SPOPL: variants seen among roughly 807,000 people sequenced by gnomAD.
The protein encoded by SPOPL is speckle type BTB/POZ protein like, also known as speckle-type POZ protein-like.
SPOPL carries 23 observed loss-of-function variants against 53.8 expected under a neutral mutation model. That is an observed-to-expected ratio of 0.43 (90% confidence interval 0.31 to 0.61). The LOEUF is 0.61. SPOPL is among the 20% of genes least tolerant of loss of function. The pLI is 0.12. For missense variants in SPOPL, 442 were observed against 466.9 expected (o/e 0.95, Z 0.49); for synonymous variants, 164 against 149.7 (o/e 1.10, Z -0.70).
chr2:138,551,731 A>G lies in SPOPL; in HGVS notation c.352+677A>G, dbSNP rs560625957. Among the ~76,000 whole-genome samples, 144 of 152,158 alleles carry G rather than the reference A, an allele frequency of 9.5e-4. 1 individual carries two copies. The highest frequency in any genetic ancestry group is 3.2e-3 in the African/African-American group (135 of 41,548). ...AAATAATGTATTGCTAAAATAATAT[A>G]TATTTTCACATTGTCTCACCTTAAG... On this transcript the variant is annotated intron_variant, in intron 4 of 10. Transcript: ENST00000280098.
intron 1 of SPOPL, among the ~76,000 whole-genome samples, chr2:138,548,127 T>A (rs1402153355): frequency 6.6e-6 from 1 of 152,146 alleles, no homozygotes; most frequent in African/African-American, 2.4e-5. Flanking sequence ...TCTGCTTCTC[T>A]GCAATTTTGC....
At chr2:138,547,569 G>C (rs148120852) in intron 1 of SPOPL, among the ~76,000 whole-genome samples, 2 of 151,792 alleles carry the variant, frequency 1.3e-5, no homozygotes, top group African/African-American at 4.8e-5. Flanking sequence ...AAGATCTTAC[G>C]TATTTTCTGT....
intron 1 of SPOPL, among the ~76,000 whole-genome samples, chr2:138,549,417 T>C (rs550868971): frequency 1.3e-5 from 2 of 152,268 alleles, no homozygotes; most frequent in South Asian, 2.1e-4. Flanking sequence ...GCACTACTTA[T>C]GTAGCTTATT....
intron 1 of SPOPL, among the ~76,000 whole-genome samples, chr2:138,526,158 T>A (rs1338429956): frequency 6.6e-6 from 1 of 152,240 alleles, no homozygotes; most frequent in East Asian, 1.9e-4. Flanking sequence ...AATGATTTTT[T>A]AAATCTAGAA....
At chr2:138,556,643 T>A (rs1310372335) in intron 5 of SPOPL, among the ~76,000 whole-genome samples, 1 of 152,192 alleles carries the variant, frequency 6.6e-6, no homozygotes, top group African/African-American at 2.4e-5. Flanking sequence ...TAGTGAAACT[T>A]TTTTATAGTT....
chr2:138,544,045 G>A (rs1342580006), intron 1 of SPOPL, among the ~76,000 whole-genome samples: 2 of 152,210 alleles, frequency 1.3e-5, no homozygotes, highest in Non-Finnish European at 2.9e-5. Context: ...CTGCAGAACA[G>A]CGGATATTGG....
At chr2:138,509,803 A>G (rs1684289842) in intron 1 of SPOPL, among the ~76,000 whole-genome samples, 1 of 152,148 alleles carries the variant, frequency 6.6e-6, no homozygotes, top group East Asian at 1.9e-4. Context: ...CCTTAGATTC[A>G]TGGTTGGTAT....
At chr2:138,507,654 C>G (rs1684242979) in intron 1 of SPOPL, among the ~76,000 whole-genome samples, 1 of 152,206 alleles carries the variant, frequency 6.6e-6, no homozygotes, top group Non-Finnish European at 1.5e-5. Flanking sequence ...GAAATTGGGG[C>G]TAGAGTACAC....
In SPOPL at chr2:138,564,946, T is replaced by C; in HGVS notation, c.987T>C (p.Ser329=). ...GTTTAAATCTTCAATGCAGGTGCAG[T>C]GTACTTCGACAACTTGGGTGTAAAG... ...AQAIDFINRC[S]VLRQLGCKDG... is the part of the protein sequence containing the mutation. Residue 329 remains serine, a synonymous_variant, in exon 10 of 11, where the codon AGT becomes AGC. Coordinates refer to ENST00000280098, the MANE Select transcript of SPOPL (RefSeq NM_001001664.3). 6.2e-7 allele frequency: 1 copy of C among 1,614,152 alleles called. No individual in the cohort carries two copies. The highest frequency in any genetic ancestry group is 8.5e-7 in the Non-Finnish European group (1 of 1,180,016).
At chr2:138,540,383 G>A (rs935477078) in intron 1 of SPOPL, among the ~76,000 whole-genome samples, 2 of 152,160 alleles carry the variant, frequency 1.3e-5, no homozygotes, top group African/African-American at 4.8e-5. Flanking sequence ...CATGAGCATG[G>A]AATGTTCTTC....
rs1228830100 is a variant in SPOPL at position 138,570,463 on chromosome 2, GTTC to G, written c.*1386_*1388del. The G allele has an allele frequency of 2.6e-5, 4 of 152,156 alleles. No individual in the cohort carries two copies. The highest frequency in any genetic ancestry group is 4.4e-5 in the Non-Finnish European group (3 of 68,040). The allele number at this position is 152,156 out of a possible 1,614,324, so 9.4% of individuals were successfully genotyped here. A position where few individuals can be genotyped will look rare whatever the true frequency, so the allele number is the denominator to read the frequency against. On this transcript the variant is annotated 3_prime_UTR_variant, in exon 11 of 11. Coordinates refer to ENST00000280098, the MANE Select transcript of SPOPL (RefSeq NM_001001664.3). ...TACACGTTCAGTGTTTGATAGTTGT[GTTC>G]TTAAGGGAGGTTTGTTCTGGTGCAT...
chr2:138,532,554 G>C (rs1198064393), intron 1 of SPOPL, among the ~76,000 whole-genome samples: 1 of 147,316 alleles, frequency 6.8e-6, no homozygotes, highest in African/African-American at 2.5e-5. Context: ...AGCCTCCCGA[G>C]TAGCTGGGAC....
chr2:138,548,238 A>ATTTTTT (rs1685240180), intron 1 of SPOPL, among the ~76,000 whole-genome samples: 1 of 112,890 alleles, frequency 8.9e-6, no homozygotes, highest in African/African-American at 3.6e-5. Flanking sequence ...GTGAAGGTAA[A>ATTTTTT]CTTTTTTTTT....
chr2:138,551,082 C>T, intron 4 of SPOPL, 28 bp downstream of exon 4: 1 of 1,610,172 alleles, frequency 6.2e-7, no homozygotes, highest in Non-Finnish European at 8.5e-7. Flanking sequence ...TAAGTGAAGA[C>T]ATTTCTGTAT....
intron 1 of SPOPL, among the ~76,000 whole-genome samples, chr2:138,527,200 C>T (rs1684695551): frequency 6.6e-6 from 1 of 151,842 alleles, no homozygotes. Flanking sequence ...AGGTATAGAT[C>T]TTTTTTCAGT....
intron 10 of SPOPL, among the ~76,000 whole-genome samples, chr2:138,565,994 A>G (rs1197274563): frequency 6.6e-6 from 1 of 152,146 alleles, no homozygotes; most frequent in Non-Finnish European, 1.5e-5. Context: ...TTGGCCTCCC[A>G]AAGTGCTGGG....
chr2:138,504,786 C>T (rs964466482), intron 1 of SPOPL, among the ~76,000 whole-genome samples: 5 of 152,196 alleles, frequency 3.3e-5, no homozygotes, highest in Admixed American at 3.3e-4. Context: ...GGCTTAATTT[C>T]TGCAGAGCCC....
chr2:138,508,441 C>T (rs1573864493), intron 1 of SPOPL, among the ~76,000 whole-genome samples: 1 of 152,174 alleles, frequency 6.6e-6, no homozygotes, highest in Non-Finnish European at 1.5e-5. Context: ...AAACAATTCT[C>T]CTGCCTCAGC....
chr2:138,560,703 G>A (rs542814918), intron 7 of SPOPL, 102 bp from the exon 8 acceptor site: 5 of 1,260,044 alleles, frequency 4.0e-6, no homozygotes, highest in Admixed American at 5.7e-5. Flanking sequence ...CACTATTTTA[G>A]TGTAGATTTA....
Sources: gnomAD v4.1 joint callset for allele counts (sites outside exome capture counted in the v4.1 genomes callset) on GRCh38, gnomAD v4.1.1 for gene constraint, MANE v1.5 for transcripts, NCBI Gene and HGNC (gene_info 2026-07-23, HGNC 2026-07-21) for gene names.